The following MNAT1 variants were observed in gnomAD, a reference collection of about 807,000 sequenced individuals.
The protein encoded by MNAT1 is MNAT1 component of CDK activating kinase.
In MNAT1, 43 loss-of-function variants were observed where a neutral mutation model predicts 42.0. The ratio of observed to expected loss-of-function variants is 1.02; its 90% CI spans 0.80 to 1.32. The LOEUF (loss-of-function observed/expected upper bound fraction) is 1.32, where lower values mean the gene tolerates loss of function less well. Among genes scored for constraint, MNAT1 ranks in the 40% most tolerant of loss-of-function variants. The pLI is 0.00. For synonymous variants in MNAT1, 118 were observed against 120.0 expected, an observed-to-expected ratio of 0.98 and a Z score of 0.11; for missense variants, 306 against 350.4, an observed-to-expected ratio of 0.87 and a Z score of 1.01.
At chr14:60,853,919 T>A (rs1002529175) in intron 6 of MNAT1, among the ~76,000 whole-genome samples, 1 of 152,198 alleles carries the variant, frequency 6.6e-6, no homozygotes, top group South Asian at 2.1e-4. Flanking sequence ...GTGGATAAGC[T>A]TTTGGATGTG....
intron 1 of MNAT1, among the ~76,000 whole-genome samples, chr14:60,794,430 C>T (rs1172691937): frequency 1.3e-5 from 2 of 151,338 alleles, no homozygotes; most frequent in Non-Finnish European, 2.9e-5. Flanking sequence ...CTTGGGAGGT[C>T]AAGGCAGGAG....
chr14:60,917,816 C>T (rs1158631889), intron 7 of MNAT1, among the ~76,000 whole-genome samples: 3 of 151,864 alleles, frequency 2.0e-5, no homozygotes, highest in Non-Finnish European at 2.9e-5. Context: ...TAGAGACGGA[C>T]GGAGTTTCAC....
intron 2 of MNAT1, among the ~76,000 whole-genome samples, 162 bp from the exon 3 acceptor site, chr14:60,797,925 A>C (rs1566769826): frequency 6.6e-6 from 1 of 152,192 alleles, no homozygotes; most frequent in Non-Finnish European, 1.5e-5. Context: ...GCAAGACTCC[A>C]TCTCAAAAAA....
At chr14:60,918,030 C>G (rs1308445223) in intron 7 of MNAT1, among the ~76,000 whole-genome samples, 2 of 151,816 alleles carry the variant, frequency 1.3e-5, no homozygotes, top group Admixed American at 6.6e-5. Flanking sequence ...ATCATTATCT[C>G]TTACTCTTTT....
chr14:60,917,610 GT>G (rs1378880381), intron 7 of MNAT1, among the ~76,000 whole-genome samples: 7 of 147,302 alleles, frequency 4.8e-5, no homozygotes, highest in Admixed American at 2.7e-4. Flanking sequence ...TTTGAGTTTT[GT>G]TTTTTTTTTG....
intron 6 of MNAT1, among the ~76,000 whole-genome samples, chr14:60,834,194 T>C (rs1376177596): frequency 6.6e-6 from 1 of 152,218 alleles, no homozygotes; most frequent in African/African-American, 2.4e-5. Context: ...TGATCTTAGT[T>C]ATTTGCTGTC....
In MNAT1 at chr14:60,969,582, T is replaced by TA. The variant is rs1037051734; in HGVS notation, c.*1234dup. ...TCACAAGTTAGTAAAAAGCCAGAAT[T>TA]AGAATGCAGGTTTTTTTTTTCAAAG... is the stretch of plus-strand genomic sequence containing the variant. On this transcript the variant is annotated 3_prime_UTR_variant, in exon 8 of 8. Transcript: ENST00000261245. The TA allele has an allele frequency of 4.6e-5, 7 of 152,148 alleles. No individual in the cohort carries two copies. The highest frequency in any genetic ancestry group is 1.7e-4 in the African/African-American group (7 of 41,452). The allele number at this position is 152,148 out of a possible 1,614,324, so 9.4% of individuals were successfully genotyped here. A position where few individuals can be genotyped will look rare whatever the true frequency, so the allele number is the denominator to read the frequency against.
chr14:60,769,073 A>G (rs190765327), intron 1 of MNAT1, among the ~76,000 whole-genome samples: 4 of 152,284 alleles, frequency 2.6e-5, no homozygotes, highest in East Asian at 3.9e-4. Flanking sequence ...GAAATAGGGT[A>G]TTACTGGTAA....
chr14:60,748,065 ACCCAC>A (rs1217988609), intron 1 of MNAT1, among the ~76,000 whole-genome samples: 1 of 151,978 alleles, frequency 6.6e-6, no homozygotes, highest in African/African-American at 2.4e-5. Flanking sequence ...GTGTGGTGGC[ACCCAC>A]CTGTAGTCCC....
intron 3 of MNAT1, among the ~76,000 whole-genome samples, chr14:60,798,845 GAC>G (rs757112223): frequency 2.6e-5 from 4 of 152,086 alleles, no homozygotes; most frequent in African/African-American, 9.7e-5. Flanking sequence ...GTTTGGAAAT[GAC>G]ACAAAGGTTA....
intron 7 of MNAT1, among the ~76,000 whole-genome samples, chr14:60,895,201 T>C (rs958000999): frequency 6.6e-6 from 1 of 152,230 alleles, no homozygotes; most frequent in Non-Finnish European, 1.5e-5. Flanking sequence ...GTATCAGAAG[T>C]TAACTTTCTT....
At chr14:60,776,207 G>A (rs553923099) in intron 1 of MNAT1, among the ~76,000 whole-genome samples, 1 of 152,302 alleles carries the variant, frequency 6.6e-6, no homozygotes, top group Admixed American at 6.5e-5. Context: ...GATAAATAGG[G>A]AAAAGTAGTA....
chr14:60,793,002 C>CTACTACTTCTTCTTCTTCTTCTTTTTT (rs2031876095), intron 1 of MNAT1, among the ~76,000 whole-genome samples: 2 of 151,832 alleles, frequency 1.3e-5, no homozygotes, highest in Admixed American at 6.6e-5. Context: ...CAATTATCAA[C>CTACTACTTCTTCTTCTTCTTCTTTTTT]TACTACTTCT....
At chr14:60,869,040 A>ATATATATATATATATATATTTATATTT (rs1465360826) in intron 6 of MNAT1, among the ~76,000 whole-genome samples, 1 of 113,054 alleles carries the variant, frequency 8.8e-6, no homozygotes, top group Non-Finnish European at 1.8e-5. Context: ...ATATATATAT[A>ATATATATATATATATATATTTATATTT]TTTTTTTTTT....
chr14:60,831,395 T>A (rs1233781354), intron 6 of MNAT1, among the ~76,000 whole-genome samples: 2 of 152,218 alleles, frequency 1.3e-5, no homozygotes, highest in African/African-American at 4.8e-5. Flanking sequence ...TTCTCATTGT[T>A]CAACTCCCAC....
At chr14:60,745,445 C>G (rs369916455) in intron 1 of MNAT1, among the ~76,000 whole-genome samples, 1 of 152,266 alleles carries the variant, frequency 6.6e-6, no homozygotes, top group African/African-American at 2.4e-5. Flanking sequence ...TTGAGACAGT[C>G]TCGCTCTGTT....
At chr14:60,853,858 G>A (rs1291750178) in intron 6 of MNAT1, among the ~76,000 whole-genome samples, 1 of 152,140 alleles carries the variant, frequency 6.6e-6, no homozygotes, top group Non-Finnish European at 1.5e-5. Flanking sequence ...TTTTTGATTT[G>A]TGTATGTTGA....
chr14:60,838,447 T>G (rs774021999), intron 6 of MNAT1, among the ~76,000 whole-genome samples: 1 of 152,210 alleles, frequency 6.6e-6, no homozygotes, highest in South Asian at 2.1e-4. Context: ...TTTTTTTTCC[T>G]ATTAGTCTGT....
intron 6 of MNAT1, among the ~76,000 whole-genome samples, chr14:60,870,331 C>A (rs1302618045): frequency 6.6e-6 from 1 of 152,052 alleles, no homozygotes; most frequent in African/African-American, 2.4e-5. Context: ...CATGCGTTTC[C>A]CCCCAGGTAT....
Sources: allele counts gnomAD v4.1 joint callset (sites outside exome capture counted in the v4.1 genomes callset), GRCh38; gene constraint gnomAD v4.1.1; transcripts MANE v1.5; gene names NCBI Gene and HGNC (gene_info 2026-07-23, HGNC 2026-07-21).